The following ASTN2 variants were observed in gnomAD, a reference collection of about 807,000 sequenced individuals.
The protein encoded by ASTN2 is astrotactin-2.
In ASTN2, 54 loss-of-function variants were observed where a neutral mutation model predicts 139.8. That is an observed-to-expected ratio of 0.39 (90% CI 0.31 to 0.48). ASTN2 has a LOEUF of 0.48. Ranked by LOEUF, ASTN2 falls within the 20% of genes least tolerant of loss-of-function variation. The pLI, the probability that ASTN2 is intolerant of heterozygous loss-of-function variation, is 0.95. For synonymous variants in ASTN2, 756 were observed against 719.5 expected, an observed-to-expected ratio of 1.05 and a Z score of -0.81; for missense variants, 1,565 against 1,725.1, an observed-to-expected ratio of 0.91 and a Z score of 1.64.
At position 116,680,172 on chromosome 9, in the gene ASTN2, T is replaced by C. The variant is rs1354763626; in HGVS notation, c.2807-28379A>G. Among the ~76,000 whole-genome samples, 5 of 151,960 alleles carry C rather than the reference T, an allele frequency of 3.3e-5. No homozygotes were observed. In the South Asian group the frequency reaches 8.3e-4, roughly 25 times the overall value. ...AGAGAGAAGAATCAAATAGACGCAA[T>C]AAAAAATGATAAAGGGGATATCACC... On this transcript the variant is annotated intron_variant, in intron 16 of 22. Coordinates refer to ENST00000313400, the MANE Select transcript of ASTN2 (RefSeq NM_001365068.1).
chr9:117,386,653 G>A (rs1269437720), intron 1 of ASTN2, among the ~76,000 whole-genome samples: 3 of 152,108 alleles, frequency 2.0e-5, no homozygotes, highest in Non-Finnish European at 2.9e-5. Context: ...GGTAAGTTCT[G>A]TAAGGTCCTA....
chr9:116,774,149 G>A (rs1184634566), intron 13 of ASTN2, among the ~76,000 whole-genome samples: 2 of 152,110 alleles, frequency 1.3e-5, no homozygotes, highest in African/African-American at 4.8e-5. Context: ...GTATCTCTCT[G>A]GAAGGGACTC....
intron 13 of ASTN2, among the ~76,000 whole-genome samples, chr9:116,797,414 C>T (rs992405523): frequency 1.8e-4 from 27 of 151,234 alleles, no homozygotes; most frequent in Non-Finnish European, 2.8e-4. Flanking sequence ...GTTTTTTTTT[C>T]TGCAACCAGT....
chr9:116,719,442 A>T (rs1828412947), intron 16 of ASTN2, among the ~76,000 whole-genome samples: 1 of 152,100 alleles, frequency 6.6e-6, no homozygotes, highest in East Asian at 1.9e-4. Flanking sequence ...AAGCAATTTG[A>T]AGTCAGTGCT....
At chr9:117,060,405 AGAAAGAAG>A (rs1177115706) in intron 5 of ASTN2, among the ~76,000 whole-genome samples, 23 of 60,902 alleles carry the variant, frequency 3.8e-4, no homozygotes, top group African/African-American at 2.3e-3. Context: ...AAAGAAAGAA[AGAAAGAAG>A]GAAAGGAAGG....
chr9:117,078,355 A>G (rs1372469800), intron 5 of ASTN2, among the ~76,000 whole-genome samples: 1 of 152,158 alleles, frequency 6.6e-6, no homozygotes, highest in Non-Finnish European at 1.5e-5. Context: ...ATCTGTCTCT[A>G]TATTTTTATC....
At chr9:116,629,649 G>A (rs1410052356) in intron 17 of ASTN2, among the ~76,000 whole-genome samples, 1 of 152,040 alleles carries the variant, frequency 6.6e-6, no homozygotes, top group African/African-American at 2.4e-5. Context: ...AAATCGTGCA[G>A]CTCAATCTAT....
chr9:117,287,799 A>G (rs1357923333), intron 2 of ASTN2, among the ~76,000 whole-genome samples: 2 of 152,230 alleles, frequency 1.3e-5, no homozygotes, highest in African/African-American at 4.8e-5. Context: ...TGACAATATT[A>G]ATAGCCATTT....
At chr9:117,097,348 A>T (rs1213101767) in intron 4 of ASTN2, among the ~76,000 whole-genome samples, 1 of 152,194 alleles carries the variant, frequency 6.6e-6, no homozygotes, top group East Asian at 1.9e-4. Flanking sequence ...CAAAGAGAGA[A>T]ATATGGGTAT....
intron 19 of ASTN2, among the ~76,000 whole-genome samples, chr9:116,572,422 T>G (rs962501125): frequency 1.3e-5 from 2 of 152,220 alleles, no homozygotes; most frequent in Middle Eastern, 3.2e-3. Flanking sequence ...CCCTGAGACT[T>G]CCAGCCTTCT....
At chr9:116,923,299 A>G (rs1261160309) in intron 10 of ASTN2, among the ~76,000 whole-genome samples, 5 of 152,206 alleles carry the variant, frequency 3.3e-5, no homozygotes, top group African/African-American at 1.2e-4. Flanking sequence ...CAATTTGTTC[A>G]CTGAAGGACA....
intron 3 of ASTN2, among the ~76,000 whole-genome samples, chr9:117,188,066 A>T (rs1392672669): frequency 6.6e-6 from 1 of 151,960 alleles, no homozygotes; most frequent in East Asian, 1.9e-4. Flanking sequence ...AATGTTAAGC[A>T]GCATCCCTGG....
chr9:117,155,234 A>G (rs189449856), intron 3 of ASTN2, among the ~76,000 whole-genome samples: 1 of 152,136 alleles, frequency 6.6e-6, no homozygotes, highest in Admixed American at 6.5e-5. Flanking sequence ...GCTAAATATT[A>G]TAGATAACTC....
chr9:116,698,939 C>A lies in ASTN2; in HGVS notation c.2806+26832G>T, dbSNP rs779442616. On this transcript the variant is annotated intron_variant, in intron 16 of 22. Coordinates refer to ENST00000313400, the MANE Select transcript of ASTN2 (RefSeq NM_001365068.1). This position sits in a 1 kb window ranked among gnomAD's most constrained non-coding sequence, Gnocchi z 4.4. ...GTAACTATCGTATACAAGTCTTTAC[C>A]CGCAAAGGCTTTTTGAAGGAAATCC... The A allele has an allele frequency of 2.5e-6, 4 of 1,614,190 alleles. No individual in the cohort carries two copies. Among genetic ancestry groups the A allele is most frequent in the Middle Eastern group, 1.6e-4 (1 of 6,062 alleles).
intron 2 of ASTN2, among the ~76,000 whole-genome samples, chr9:117,280,202 C>A (rs748565512): frequency 2.0e-5 from 3 of 151,990 alleles, no homozygotes; most frequent in African/African-American, 4.8e-5. Context: ...GGCAAGAAAC[C>A]CACAGAAATG....
chr9:116,525,692 T>C (rs1000756577), intron 19 of ASTN2, among the ~76,000 whole-genome samples: 1 of 152,192 alleles, frequency 6.6e-6, no homozygotes, highest in African/African-American at 2.4e-5. Flanking sequence ...AGAAGAAGTA[T>C]TGAGAATTCC....
Position 117,192,391 on chromosome 9 carries a change from G to GAAAAAAAAAA in ASTN2, c.1015+21966_1015+21967insTTTTTTTTTT, listed in dbSNP as rs56332042. On this transcript the variant is annotated intron_variant, in intron 3 of 22. Coordinates refer to ENST00000313400, the MANE Select transcript of ASTN2 (RefSeq NM_001365068.1). ...ATTTGGTTTGTCAATCAGTGGCAAA[G>GAAAAAAAAAA]AAAAAAAAGAAAACTCAATTCTGAA... Among the ~76,000 whole-genome samples the GAAAAAAAAAA allele has an allele frequency of 4.9e-3, 731 of 149,584 alleles. 5 individuals carry two copies. The highest frequency in any genetic ancestry group is 0.012 in the African/African-American group (471 of 40,582).
intron 19 of ASTN2, among the ~76,000 whole-genome samples, chr9:116,600,511 T>TA (rs1488661833): frequency 2.6e-5 from 4 of 152,118 alleles, no homozygotes; most frequent in African/African-American, 9.7e-5. Flanking sequence ...ACTCCACACT[T>TA]ATAAGAAGTT....
chr9:117,202,941 T>C (rs1831776253), intron 3 of ASTN2, among the ~76,000 whole-genome samples: 1 of 152,206 alleles, frequency 6.6e-6, no homozygotes, highest in African/African-American at 2.4e-5. Flanking sequence ...TCCAGCTTCT[T>C]TCCATTTTTC....
Sources: allele counts gnomAD v4.1 joint callset (sites outside exome capture counted in the v4.1 genomes callset), GRCh38; gene constraint gnomAD v4.1.1; non-coding constraint Gnocchi (gnomAD v3.1); transcripts MANE v1.5; gene names NCBI Gene and HGNC (gene_info 2026-07-23, HGNC 2026-07-21).